The following SGCD variants were observed in gnomAD, a reference collection of about 807,000 sequenced individuals.
SGCD encodes sarcoglycan delta, also known as delta-sarcoglycan.
A neutral mutation model predicts 36.6 loss-of-function variants in SGCD; 18 were observed. The observed-to-expected ratio is 0.49, with a 90% CI of 0.34 to 0.73. SGCD has a LOEUF of 0.73. SGCD is among the 30% of genes least tolerant of loss of function. The pLI is 0.01. For synonymous variants in SGCD, 133 were observed against 130.6 expected, an observed-to-expected ratio of 1.02 and a Z score of -0.12; for missense variants, 387 against 346.7, an observed-to-expected ratio of 1.12 and a Z score of -0.92.
intron 1 of SGCD, among the ~76,000 whole-genome samples, chr5:155,904,335 C>G (rs942997810): frequency 6.6e-6 from 1 of 152,138 alleles, no homozygotes; most frequent in African/African-American, 2.4e-5. Flanking sequence ...AGAGCTTCAA[C>G]CTCATTTGTA....
chr5:156,748,203 G>C (rs373524863), intron 7 of SGCD, among the ~76,000 whole-genome samples: 2 of 152,190 alleles, frequency 1.3e-5, no homozygotes, highest in Non-Finnish European at 2.9e-5. Flanking sequence ...AGAAGAATGC[G>C]TGCCTCTGGA....
At chr5:156,196,034 C>A (rs1764018486) in intron 3 of SGCD, among the ~76,000 whole-genome samples, 1 of 152,110 alleles carries the variant, frequency 6.6e-6, no homozygotes, top group African/African-American at 2.4e-5. Flanking sequence ...AGGAGGGCCC[C>A]TTTTCTAAAG....
chr5:156,704,788 C>G (rs139037176), intron 7 of SGCD, among the ~76,000 whole-genome samples: 1 of 151,810 alleles, frequency 6.6e-6, no homozygotes, highest in Non-Finnish European at 1.5e-5. Context: ...ATTAGCTGCA[C>G]ATTTTCCCTC....
intron 7 of SGCD, among the ~76,000 whole-genome samples, chr5:156,708,853 G>T (rs887394894): frequency 9.2e-5 from 14 of 152,030 alleles, no homozygotes; most frequent in African/African-American, 3.1e-4. Context: ...TCTTAGAGAA[G>T]TGACAAGACA....
chr5:155,844,111 A>AG, the SGCD span, among the ~76,000 whole-genome samples: 14 of 114,632 alleles, frequency 1.2e-4, no homozygotes, highest in South Asian at 2.7e-3. Flanking sequence ...AGTATTCAAA[A>AG]GGGGAAAAAA....
chr5:156,095,956 A>T (rs1761363653), intron 1 of SGCD, among the ~76,000 whole-genome samples: 1 of 152,238 alleles, frequency 6.6e-6, no homozygotes, highest in Non-Finnish European at 1.5e-5. Flanking sequence ...AGCTGGGTGC[A>T]GTCCAGCTGA....
At chr5:156,236,546 T>A (rs1007165828) in intron 3 of SGCD, among the ~76,000 whole-genome samples, 1 of 150,780 alleles carries the variant, frequency 6.6e-6, no homozygotes, top group African/African-American at 2.4e-5. Flanking sequence ...GCCTCCCGGG[T>A]TCATGCCATT....
rs1408141297 is a variant in SGCD, at chr5:156,269,510, A to AAAAAACAAAAG, written c.-43-60024_-43-60023insAAAAACAAAAG. 2.0e-4 allele frequency among the ~76,000 whole-genome samples: 28 copies of AAAAAACAAAAG among 137,730 alleles called. 3 individuals carry two copies. The highest frequency in any genetic ancestry group is 3.6e-4 in the Non-Finnish European group (23 of 63,622). The allele number at this position is 137,730 out of a possible 152,430, so 90.4% of individuals were successfully genotyped here. ...AAAAAAAAAAAAAAAAAAAAAAAAA[A>AAAAAACAAAAG]CCATCAGATCTCATGAAACTTATTC... On this transcript the variant is annotated intron_variant, in intron 3 of 9. Coordinates refer to the SGCD transcript ENST00000517913.
intron 6 of SGCD, among the ~76,000 whole-genome samples, chr5:156,623,939 T>G (rs1762348648): frequency 6.6e-6 from 1 of 152,186 alleles, no homozygotes; most frequent in African/African-American, 2.4e-5. Flanking sequence ...CTGGCCTAAT[T>G]CTTCCTCCAA....
chr5:155,865,118 A>AGATT, the SGCD span, among the ~76,000 whole-genome samples: 1 of 152,050 alleles, frequency 6.6e-6, no homozygotes, highest in African/African-American at 2.4e-5. Context: ...ATAGATAGAT[A>AGATT]GATAGATAGA....
At chr5:156,729,072 G>GA (rs1219253607) in intron 7 of SGCD, among the ~76,000 whole-genome samples, 2 of 152,070 alleles carry the variant, frequency 1.3e-5, no homozygotes, top group South Asian at 2.1e-4. Flanking sequence ...GAAAGTAATT[G>GA]AAAAAAATTA....
intron 1 of SGCD, among the ~76,000 whole-genome samples, chr5:155,884,008 A>T (rs1264358815): frequency 6.6e-6 from 1 of 152,168 alleles, no homozygotes; most frequent in Non-Finnish European, 1.5e-5. Context: ...TCATTCAAGG[A>T]AACATGCCCA....
intron 1 of SGCD, among the ~76,000 whole-genome samples, chr5:155,907,968 T>C (rs1466160388): frequency 6.6e-6 from 1 of 152,114 alleles, no homozygotes; most frequent in Non-Finnish European, 1.5e-5. Context: ...TGTTGTTTAA[T>C]TTTAAGAAAC....
the SGCD span, among the ~76,000 whole-genome samples, chr5:155,748,431 T>TGGGTC: frequency 6.6e-6 from 1 of 152,142 alleles, no homozygotes; most frequent in African/African-American, 2.4e-5. Context: ...ATCTGACTAC[T>TGGGTC]ACCACAGACA....
chr5:156,201,938 C>T (rs545708724), intron 3 of SGCD, among the ~76,000 whole-genome samples: 22 of 152,256 alleles, frequency 1.4e-4, no homozygotes, highest in African/African-American at 5.1e-4. Context: ...CACAGGAGAG[C>T]AGCCATCTGA....
intron 3 of SGCD, among the ~76,000 whole-genome samples, chr5:156,494,029 A>G (rs1030864691): frequency 1.3e-5 from 2 of 152,120 alleles, no homozygotes; most frequent in Non-Finnish European, 2.9e-5. Context: ...CTAAATTGGC[A>G]TGGCGGGGTG....
chr5:156,183,375 C>T (rs867300030), intron 3 of SGCD, among the ~76,000 whole-genome samples: 1 of 152,108 alleles, frequency 6.6e-6, no homozygotes, highest in African/African-American at 2.4e-5. Flanking sequence ...ACAATATTTA[C>T]CTAGTCATAA....
At chr5:156,403,821 A>T (rs1161225840) in intron 3 of SGCD, among the ~76,000 whole-genome samples, 1 of 145,172 alleles carries the variant, frequency 6.9e-6, no homozygotes, top group East Asian at 2.0e-4. Context: ...AGGGCATGAT[A>T]TTCCCTGACA....
In SGCD at chr5:156,102,056, A is replaced by T. The variant is rs555694699; in HGVS notation, c.-281-15822A>T. On this transcript the variant is annotated intron_variant, in intron 1 of 9. Coordinates refer to the SGCD transcript ENST00000517913. The stretch of plus-strand genomic sequence containing the variant: ...TTTTACTTCCCTTCATTACACTTGC[A>T]GGTCCATTATTACTAGGACTTTGAG... Among the ~76,000 whole-genome samples the T allele has an allele frequency of 1.6e-3, 250 of 152,126 alleles. 2 individuals carry two copies. Among genetic ancestry groups the T allele is most frequent in the African/African-American group, 5.9e-3 (244 of 41,508 alleles).
Sources: gnomAD v4.1 joint callset for allele counts (sites outside exome capture counted in the v4.1 genomes callset) on GRCh38, gnomAD v4.1.1 for gene constraint, MANE v1.5 for transcripts, NCBI Gene and HGNC (gene_info 2026-07-23, HGNC 2026-07-21) for gene names.